The following MYO3B variants were observed in gnomAD, a reference collection of about 807,000 sequenced individuals.
MYO3B encodes the protein myosin IIIB.
MYO3B carries 156 observed loss-of-function variants against 174.6 expected under a neutral mutation model. That is an observed-to-expected ratio of 0.89 (90% confidence interval 0.78 to 1.02). The LOEUF is 1.02. Ranked by LOEUF, MYO3B falls within the 50% of genes least tolerant of loss-of-function variation. MYO3B has a pLI of 0.00. For missense variants in MYO3B, 1,632 were observed against 1,639.4 expected (o/e 1.00, Z 0.08); for synonymous variants, 563 against 569.1 (o/e 0.99, Z 0.15).
intron 8 of MYO3B, among the ~76,000 whole-genome samples, chr2:170,359,475 T>C (rs1226332122): frequency 1.3e-5 from 2 of 152,224 alleles, no homozygotes; most frequent in Non-Finnish European, 2.9e-5. Context: ...TCCTTGTTCA[T>C]GAACCTCAGT....
At position 170,649,095 on chromosome 2, in the gene MYO3B, T is replaced by TATATATAAAATAATATATA. The variant is rs1491195379; in HGVS notation, c.3734-2533_3734-2532insATATATAAAATAATATATA. ...ATATTATATATAAAATAATATATAA[T>TATATATAAAATAATATATA]GTATATTATATATAAAATAATATAT... On this transcript the variant is annotated intron_variant, in intron 32 of 34. Coordinates refer to ENST00000408978, the MANE Select transcript of MYO3B (RefSeq NM_138995.5). 1.8e-4 allele frequency among the ~76,000 whole-genome samples: 11 copies of TATATATAAAATAATATATA among 62,006 alleles called. 3 individuals are homozygous for TATATATAAAATAATATATA. The highest frequency in any genetic ancestry group is 1.3e-3 in the African/African-American group (11 of 8,730). The allele number at this position is 62,006 out of a possible 152,430, so 40.7% of individuals were successfully genotyped here. A position where few individuals can be genotyped will look rare whatever the true frequency, so the allele number is the denominator to read the frequency against.
Position 170,636,863 on chromosome 2 carries a change from C to T in MYO3B, c.3734-14765C>T, listed in dbSNP as rs186606967. 1.7e-3 allele frequency among the ~76,000 whole-genome samples: 252 copies of T among 148,248 alleles called. 1 individual carries two copies. The highest frequency in any genetic ancestry group is 5.4e-3 in the Admixed American group (79 of 14,618). On this transcript the variant is annotated intron_variant, in intron 32 of 34. Coordinates refer to ENST00000408978, the MANE Select transcript of MYO3B (RefSeq NM_138995.5). ...GCTGAGGACCACTGATATGAGCCTC[C>T]TGGAATATGTTCATTTGGAAACTTA...
intron 7 of MYO3B, among the ~76,000 whole-genome samples, chr2:170,303,864 A>C (rs1173191969): frequency 6.6e-6 from 1 of 152,144 alleles, no homozygotes; most frequent in Non-Finnish European, 1.5e-5. Context: ...TTTTTTACCA[A>C]AATATGATCA....
At chr2:170,428,632 CAA>C (rs1241782776) in intron 22 of MYO3B, among the ~76,000 whole-genome samples, 1 of 152,194 alleles carries the variant, frequency 6.6e-6, no homozygotes, top group Admixed American at 6.5e-5. Context: ...AGATATCACA[CAA>C]TATTTTATTT....
At chr2:170,301,272 A>T (rs1460468099) in intron 7 of MYO3B, among the ~76,000 whole-genome samples, 5 of 152,210 alleles carry the variant, frequency 3.3e-5, no homozygotes, top group Admixed American at 1.3e-4. Flanking sequence ...TAGTTGACTA[A>T]TGAAGGTATT....
intron 22 of MYO3B, 50 bp downstream of exon 22, chr2:170,407,894 A>G: frequency 6.2e-7 from 1 of 1,608,130 alleles, no homozygotes; most frequent in Non-Finnish European, 8.5e-7. Context: ...TTGCAAGACC[A>G]GGTGAAATTT....
chr2:170,377,980 G>C lies in MYO3B; in HGVS notation c.972-4036G>C, dbSNP rs568529298. Among the ~76,000 whole-genome samples, 9 of 151,926 alleles carry C rather than the reference G, an allele frequency of 5.9e-5. No homozygotes were observed. In the South Asian group the frequency reaches 1.0e-3, roughly 18 times the overall value. On this transcript the variant is annotated intron_variant, in intron 9 of 34. Transcript: ENST00000408978. Reference sequence around the variant, plus strand: ...AATTCTTCAGCAAAAATTGATAATAGGTCCTATTCTCAAGTAGGGCACTAG... The same window carrying C: ...AATTCTTCAGCAAAAATTGATAATACGTCCTATTCTCAAGTAGGGCACTAG...
chr2:170,583,070 C>T (rs1030239017), intron 32 of MYO3B, among the ~76,000 whole-genome samples: 12 of 151,646 alleles, frequency 7.9e-5, no homozygotes, highest in South Asian at 6.3e-4. Flanking sequence ...CCTGACACCC[C>T]GCACACCCCC....
intron 7 of MYO3B, among the ~76,000 whole-genome samples, chr2:170,275,393 G>T (rs762712143): frequency 2.0e-5 from 3 of 152,170 alleles, no homozygotes; most frequent in Non-Finnish European, 4.4e-5. Flanking sequence ...ACAGTTTCCA[G>T]AGTTGCTATT....
At chr2:170,385,308 T>A (rs1426593501) in intron 12 of MYO3B, among the ~76,000 whole-genome samples, 1 of 152,158 alleles carries the variant, frequency 6.6e-6, no homozygotes. Context: ...CACACTCTAA[T>A]CACATGTTTG....
rs375525633 is a variant in MYO3B, at chr2:170,192,380, C to T, written c.3-6828C>T. On this transcript the variant is annotated intron_variant, in intron 1 of 34. Coordinates refer to ENST00000408978, the MANE Select transcript of MYO3B (RefSeq NM_138995.5). ...TTACAAAAAATATTTACTTATTTAG[C>T]GATTTTCAAAGTAGTCATATAATTT... Among the ~76,000 whole-genome samples, 83 of 150,938 alleles carry T rather than the reference C, an allele frequency of 5.5e-4. 3 individuals carry two copies. In the East Asian group the frequency reaches 0.011, roughly 20 times the overall value.
rs899091747 is a variant in MYO3B at position 170,297,112 on chromosome 2, A to G, written c.750-38273A>G. Among the ~76,000 whole-genome samples the G allele has an allele frequency of 3.9e-5, 6 of 152,218 alleles. No homozygotes were observed. The East Asian group carries it at 9.6e-4, about 24-fold the overall frequency. ...ATAAGGTTATGAATAGGTAAGAACC[A>G]TGTGAGAAATTCACAAGAAGATGTA... On this transcript the variant is annotated intron_variant, in intron 7 of 34. Transcript: ENST00000408978.
chr2:170,581,904 G>A (rs138482436), intron 32 of MYO3B, among the ~76,000 whole-genome samples: 45 of 152,270 alleles, frequency 3.0e-4, no homozygotes, highest in African/African-American at 1.0e-3. Context: ...TATAAAAAAT[G>A]TGCAATGGAA....
chr2:170,498,753 T>A, intron 26 of MYO3B, 50 bp downstream of exon 26: 1 of 1,222,156 alleles, frequency 8.2e-7, no homozygotes, highest in African/African-American at 1.5e-5. Context: ...TCTTTGTCTC[T>A]TGTCAGTGAT....
intron 7 of MYO3B, among the ~76,000 whole-genome samples, chr2:170,312,933 T>C (rs2093749702): frequency 1.3e-5 from 2 of 152,230 alleles, no homozygotes; most frequent in African/African-American, 2.4e-5. Flanking sequence ...AAGTTACACA[T>C]AGAGGAACTA....
In MYO3B at chr2:170,311,519, A is replaced by G. The variant is rs888848548; in HGVS notation, c.750-23866A>G. Among the ~76,000 whole-genome samples the G allele has an allele frequency of 3.7e-4, 55 of 150,182 alleles. 1 individual carries two copies. Among genetic ancestry groups the G allele is most frequent in the African/African-American group, 1.3e-3 (54 of 40,746 alleles). ...ATATTCTGGATACTAGATCCTTATC[A>G]GATATATGATTTACAAATATTTTTT... On this transcript the variant is annotated intron_variant, in intron 7 of 34. Transcript: ENST00000408978.
chr2:170,471,847 T>C (rs1167874297), intron 25 of MYO3B, among the ~76,000 whole-genome samples: 1 of 151,932 alleles, frequency 6.6e-6, no homozygotes, highest in Non-Finnish European at 1.5e-5. Flanking sequence ...CAAAATTAGC[T>C]GGGCATGGTG....
In MYO3B at chr2:170,450,663, T is replaced by G. The variant is rs150023683; in HGVS notation, c.2730+6617T>G. Among the ~76,000 whole-genome samples the G allele has an allele frequency of 4.9e-3, 750 of 152,300 alleles. 3 individuals carry two copies. Among genetic ancestry groups the G allele is most frequent in the African/African-American group, 0.017 (724 of 41,570 alleles). ...CTTTTTCAAAAGAGAAAACTAAGTT[T>G]CATGTTTGCTTTAGGGCATCTTTAA... is the stretch of plus-strand genomic sequence containing the variant. On this transcript the variant is annotated intron_variant, in intron 23 of 34. Coordinates refer to ENST00000408978, the MANE Select transcript of MYO3B (RefSeq NM_138995.5).
chr2:170,611,879 A>G (rs1695143876), intron 32 of MYO3B, among the ~76,000 whole-genome samples: 1 of 152,222 alleles, frequency 6.6e-6, no homozygotes, highest in Non-Finnish European at 1.5e-5. Flanking sequence ...GTGTGGACCT[A>G]CATCCAAATG....
Sources: allele counts gnomAD v4.1 joint callset (sites outside exome capture counted in the v4.1 genomes callset), GRCh38; gene constraint gnomAD v4.1.1; transcripts MANE v1.5; gene names NCBI Gene and HGNC (gene_info 2026-07-23, HGNC 2026-07-21).